Variants in PTPRA observed in about 807,000 individuals in gnomAD.
PTPRA encodes the protein receptor-type tyrosine-protein phosphatase alpha.
PTPRA carries 25 observed loss-of-function variants against 104.8 expected under a neutral mutation model. The observed-to-expected ratio is 0.24, with a 90% CI of 0.17 to 0.33. The LOEUF is 0.33. PTPRA is among the 10% of genes least tolerant of loss of function. The probability of loss-of-function intolerance (pLI) is 1.00; values close to 1 mark genes in which losing one functional copy is unlikely to be tolerated. For missense variants in PTPRA, 765 were observed against 1,015.3 expected, an observed-to-expected ratio of 0.75 and a Z score of 3.35; for synonymous variants, 323 against 368.9, an observed-to-expected ratio of 0.88 and a Z score of 1.43.
chr20:2,910,427 AAATGTATAT>A (rs1568649981), intron 1 of PTPRA, among the ~76,000 whole-genome samples: 4 of 49,604 alleles, frequency 8.1e-5, no homozygotes, highest in Non-Finnish European at 1.8e-4. Context: ...ATAATATATA[AAATGTATAT>A]TATATATAAG....
intron 3 of PTPRA, among the ~76,000 whole-genome samples, chr20:2,961,285 C>G (rs1203849480): frequency 6.6e-6 from 1 of 152,210 alleles, no homozygotes; most frequent in Non-Finnish European, 1.5e-5. Context: ...CATATTCTTA[C>G]AAACATGTAG....
At position 3,008,723 on chromosome 20, in the gene PTPRA, T is replaced by C. The variant is rs1418928490; in HGVS notation, c.906+1303T>C. On this transcript the variant is annotated intron_variant, in intron 11 of 23. Coordinates refer to ENST00000399903, the MANE Select transcript of PTPRA (RefSeq NM_001385305.1). ...CTGACCAAGATGGTGAAACCTCATC[T>C]CTACTAAAAAAAAAAAAAAAACAAA... is the stretch of plus-strand genomic sequence containing the variant. Among the ~76,000 whole-genome samples the C allele has an allele frequency of 2.3e-5, 3 of 133,180 alleles. No individual in the cohort carries two copies. In the East Asian group the frequency reaches 7.5e-4, roughly 33 times the overall value. 87.4% of individuals were successfully genotyped at this position (133,180 alleles called of 152,430 possible).
intron 1 of PTPRA, among the ~76,000 whole-genome samples, chr20:2,917,379 A>G (rs1190057502): frequency 1.3e-5 from 2 of 152,166 alleles, no homozygotes; most frequent in Admixed American, 1.3e-4. Context: ...TAAGAGAGCC[A>G]CAATTTCATG....
intron 2 of PTPRA, among the ~76,000 whole-genome samples, chr20:2,925,706 T>C (rs538195771): frequency 6.6e-6 from 1 of 152,202 alleles, no homozygotes; most frequent in South Asian, 2.1e-4. Context: ...TCCCAGCTAC[T>C]TGGGAGGCTG....
At chr20:2,976,154 A>G (rs1204891299) in intron 6 of PTPRA, among the ~76,000 whole-genome samples, 1 of 152,234 alleles carries the variant, frequency 6.6e-6, no homozygotes, top group African/African-American at 2.4e-5. Flanking sequence ...TACTGTGTAC[A>G]GATTTCCCTC....
At chr20:2,883,733 A>G (rs536817070) in intron 1 of PTPRA, among the ~76,000 whole-genome samples, 1 of 152,088 alleles carries the variant, frequency 6.6e-6, no homozygotes, top group East Asian at 1.9e-4. Flanking sequence ...TTTTACATGT[A>G]ATCATTATAA....
At position 2,917,918 on chromosome 20, in the gene PTPRA, G is replaced by A. The variant is rs143726250; in HGVS notation, c.-128-5289G>A. Among the ~76,000 whole-genome samples, 496 of 151,580 alleles carry A rather than the reference G, an allele frequency of 3.3e-3. 4 individuals are homozygous for A. Among genetic ancestry groups the A allele is most frequent in the African/African-American group, 0.011 (473 of 41,320 alleles). On this transcript the variant is annotated intron_variant, in intron 1 of 23. Transcript: ENST00000399903. Reference sequence around the variant, plus strand: ...AGCCTGGCCAAGATTGTGAAACCCCGTTTCTACTAAAAATACAAAACTTAG... The same window carrying A: ...AGCCTGGCCAAGATTGTGAAACCCCATTTCTACTAAAAATACAAAACTTAG...
chr20:2,900,148 T>C (rs1404713218), intron 1 of PTPRA, among the ~76,000 whole-genome samples: 1 of 151,850 alleles, frequency 6.6e-6, no homozygotes, highest in Non-Finnish European at 1.5e-5. Flanking sequence ...CTGCCTCCTT[T>C]TTTTTTTTCA....
intron 1 of PTPRA, among the ~76,000 whole-genome samples, chr20:2,916,336 T>A (rs1284680252): frequency 6.6e-6 from 1 of 152,168 alleles, no homozygotes; most frequent in African/African-American, 2.4e-5. Context: ...AGCCACCACT[T>A]TCAGTCCCAA....
chr20:2,967,388 T>C (rs1248757329), intron 5 of PTPRA, among the ~76,000 whole-genome samples: 2 of 152,208 alleles, frequency 1.3e-5, no homozygotes, highest in African/African-American at 2.4e-5. Flanking sequence ...ATCCCACTTA[T>C]CACCACCATT....
chr20:2,948,754 A>G lies in PTPRA; in HGVS notation c.-7+730A>G, dbSNP rs974691613. 6.6e-5 allele frequency among the ~76,000 whole-genome samples: 10 copies of G among 151,942 alleles called. 1 individual carries two copies. The highest frequency in any genetic ancestry group is 2.2e-4 in the African/African-American group (9 of 41,568). ...ATCACAAGGTCAGGAGATCAAGACCATCCTGGCTAACACAGTGAAACCCTG... is the reference window on the plus strand; with the variant it reads ...ATCACAAGGTCAGGAGATCAAGACCGTCCTGGCTAACACAGTGAAACCCTG... On this transcript the variant is annotated intron_variant, in intron 3 of 23. Coordinates refer to ENST00000399903, the MANE Select transcript of PTPRA (RefSeq NM_001385305.1).
rs548036218 is a variant in PTPRA at position 2,894,855 on chromosome 20, C to T, written c.-129+21095C>T. Among the ~76,000 whole-genome samples, 155 of 151,638 alleles carry T rather than the reference C, an allele frequency of 1.0e-3. 1 individual carries two copies. Among genetic ancestry groups the T allele is most frequent in the Middle Eastern group, 3.4e-3 (1 of 294 alleles). On this transcript the variant is annotated intron_variant, in intron 1 of 23. Coordinates refer to ENST00000399903, the MANE Select transcript of PTPRA (RefSeq NM_001385305.1). Reference sequence around the variant, plus strand: ...CAAATAAATTGGCCAGGCGTGGTGACGGGCGCCTGTAGTCCCAGCTACTCG... The same window carrying T: ...CAAATAAATTGGCCAGGCGTGGTGATGGGCGCCTGTAGTCCCAGCTACTCG...
chr20:2,989,861 C>G (rs968848858), intron 9 of PTPRA, among the ~76,000 whole-genome samples: 3 of 151,792 alleles, frequency 2.0e-5, no homozygotes, highest in South Asian at 4.2e-4. Context: ...ACTAAAAATA[C>G]AAAAAATTAG....
intron 5 of PTPRA, among the ~76,000 whole-genome samples, chr20:2,970,906 C>A (rs867845146): frequency 6.6e-6 from 1 of 152,064 alleles, no homozygotes. Flanking sequence ...TCTAACTTGT[C>A]CCAATACCCC....
chr20:2,973,342 A>G (rs182912347), intron 5 of PTPRA, among the ~76,000 whole-genome samples: 61 of 152,198 alleles, frequency 4.0e-4, no homozygotes, highest in Non-Finnish European at 8.1e-4. Flanking sequence ...TTTCCAGTTA[A>G]TTAACATATT....
intron 17 of PTPRA, among the ~76,000 whole-genome samples, chr20:3,025,846 G>A (rs2065112803): frequency 6.8e-6 from 1 of 147,624 alleles, no homozygotes; most frequent in South Asian, 2.2e-4. Context: ...TCCAGCCTGG[G>A]TGACAGAGCA....
intron 1 of PTPRA, among the ~76,000 whole-genome samples, chr20:2,907,988 T>G (rs1261584099): frequency 6.6e-6 from 1 of 152,186 alleles, no homozygotes; most frequent in African/African-American, 2.4e-5. Flanking sequence ...TAATTAATAC[T>G]CTTAAACAAG....
chr20:2,958,676 A>G (rs1658045903), intron 3 of PTPRA, among the ~76,000 whole-genome samples: 1 of 149,196 alleles, frequency 6.7e-6, no homozygotes. Flanking sequence ...AAAAAAAAAA[A>G]AAAAAAAAAG....
At chr20:2,913,570 A>G (rs531472742) in intron 1 of PTPRA, among the ~76,000 whole-genome samples, 1 of 152,214 alleles carries the variant, frequency 6.6e-6, no homozygotes, top group South Asian at 2.1e-4. Flanking sequence ...CAGGCTCATT[A>G]TTTTGAGGAA....
Sources: gnomAD v4.1 joint callset for allele counts (sites outside exome capture counted in the v4.1 genomes callset) on GRCh38, gnomAD v4.1.1 for gene constraint, MANE v1.5 for transcripts, NCBI Gene and HGNC (gene_info 2026-07-23, HGNC 2026-07-21) for gene names.